Variants in MSTO1 observed in about 807,000 individuals in gnomAD.
MSTO1 encodes protein misato homolog 1.
In MSTO1, 24 loss-of-function variants were observed where a neutral mutation model predicts 55.7. The observed-to-expected ratio is 0.43, with a 90% CI of 0.31 to 0.61. MSTO1 has a LOEUF of 0.61. Ranked by LOEUF, MSTO1 falls within the 20% of genes least tolerant of loss-of-function variation. MSTO1 has a pLI of 0.09. For missense variants in MSTO1, 363 were observed against 625.7 expected (o/e 0.58, Z 4.48); for synonymous variants, 162 against 252.8 (o/e 0.64, Z 3.41).
chr1:155,579,790 A>G, the MSTO1 span, among the ~76,000 whole-genome samples: 1 of 152,134 alleles, frequency 6.6e-6, no homozygotes, highest in Non-Finnish European at 1.5e-5. Flanking sequence ...CTAGGTCGAC[A>G]TAATCTTAAG....
chr1:155,603,795 T>C, the MSTO1 span, among the ~76,000 whole-genome samples: 2 of 152,202 alleles, frequency 1.3e-5, no homozygotes, highest in Admixed American at 6.5e-5. Flanking sequence ...GAGGCAGAGG[T>C]TGCAGTGAGC....
At chr1:155,586,188 TTC>T in the MSTO1 span, among the ~76,000 whole-genome samples, 4 of 150,842 alleles carry the variant, frequency 2.7e-5, no homozygotes, top group South Asian at 2.1e-4. Flanking sequence ...GTTTTTTTCT[TTC>T]TCTCTCTCTC....
chr1:155,571,493 T>TC, the MSTO1 span, among the ~76,000 whole-genome samples: 10 of 152,072 alleles, frequency 6.6e-5, no homozygotes, highest in African/African-American at 2.4e-4. Context: ...GCCCAGGAGT[T>TC]CAAGACTGCA....
chr1:155,589,899 C>A, the MSTO1 span, among the ~76,000 whole-genome samples: 1 of 151,910 alleles, frequency 6.6e-6, no homozygotes, highest in Non-Finnish European at 1.5e-5. Context: ...CAGACACACC[C>A]AGGAACAATA....
chr1:155,600,556 C>CTTTTTTTTTTTTTTTTTT, the MSTO1 span, among the ~76,000 whole-genome samples: 43 of 149,874 alleles, frequency 2.9e-4, no homozygotes, highest in African/African-American at 1.1e-3. Context: ...TTTTTTCTTT[C>CTTTTTTTTTTTTTTTTTT]TTTTTTTTTG....
chr1:155,594,772 A>G, the MSTO1 span, among the ~76,000 whole-genome samples: 1 of 152,042 alleles, frequency 6.6e-6, no homozygotes, highest in East Asian at 1.9e-4. Context: ...TGATTAGCTG[A>G]ATGTTAAACC....
At chr1:155,598,747 A>G in the MSTO1 span, 11 of 642,086 alleles carry the variant, frequency 1.7e-5, no homozygotes, top group East Asian at 3.3e-5. Flanking sequence ...CAAAAAAAAC[A>G]TAAGTACTGT....
the MSTO1 span, among the ~76,000 whole-genome samples, chr1:155,584,687 A>G: frequency 1.4e-5 from 2 of 140,892 alleles, no homozygotes; most frequent in African/African-American, 5.4e-5. Context: ...AAAAAAAAAA[A>G]AAAAAAAGAA....
At chr1:155,569,384 C>T in the MSTO1 span, among the ~76,000 whole-genome samples, 4 of 149,748 alleles carry the variant, frequency 2.7e-5, no homozygotes, top group South Asian at 4.2e-4. Flanking sequence ...ATCCGCCCAT[C>T]TCGGCCTCCC....
the MSTO1 span, chr1:155,591,298 T>C: frequency 9.9e-5 from 147 of 1,491,562 alleles, no homozygotes; most frequent in African/African-American, 1.5e-3. Flanking sequence ...GAAGGAGATA[T>C]GCGAAATTCC....
the MSTO1 span, among the ~76,000 whole-genome samples, chr1:155,592,929 T>G: frequency 6.6e-6 from 1 of 151,952 alleles, no homozygotes; most frequent in African/African-American, 2.4e-5. Context: ...CTTTTTTTTT[T>G]GAGATGGAGT....
At chr1:155,605,161 T>A in the MSTO1 span, among the ~76,000 whole-genome samples, 1 of 151,870 alleles carries the variant, frequency 6.6e-6, no homozygotes, top group Admixed American at 6.6e-5. Flanking sequence ...CTCGGGAGGC[T>A]GAGGCAAGAG....
chr1:155,608,906 C>T, upstream of MSTO1, among the ~76,000 whole-genome samples: 1 of 149,150 alleles, frequency 6.7e-6, no homozygotes, highest in East Asian at 2.0e-4. Context: ...CTCACTGCAA[C>T]TTCCACCTCC....
the MSTO1 span, among the ~76,000 whole-genome samples, chr1:155,596,086 C>T: frequency 2.0e-5 from 3 of 152,138 alleles, no homozygotes; most frequent in Non-Finnish European, 4.4e-5. Context: ...GTCTTCCCAT[C>T]TTAATATAGT....
chr1:155,608,241 G>A (rs546797435), upstream of MSTO1, among the ~76,000 whole-genome samples: 9 of 152,294 alleles, frequency 5.9e-5, no homozygotes, highest in Middle Eastern at 3.4e-3. Context: ...ATGGTTCACC[G>A]CAGCCTCTAA....
At chr1:155,567,217 G>A in the MSTO1 span, among the ~76,000 whole-genome samples, 7 of 151,550 alleles carry the variant, frequency 4.6e-5, no homozygotes, top group South Asian at 8.4e-4. Flanking sequence ...TCTGCCTCCC[G>A]GGTTCAAGTG....
chr1:155,567,128 G>GT, the MSTO1 span, among the ~76,000 whole-genome samples: 865 of 144,726 alleles, frequency 6.0e-3, 5 homozygotes, highest in African/African-American at 0.018. Flanking sequence ...ATAAGAGTTG[G>GT]TTTTTTTTTT....
the MSTO1 span, chr1:155,590,969 G>A: frequency 1.9e-6 from 3 of 1,613,862 alleles, no homozygotes; most frequent in Non-Finnish European, 2.5e-6. Context: ...GCCCCAGCAA[G>A]GTAGACCAGC....
At chr1:155,602,847 C>T in the MSTO1 span, among the ~76,000 whole-genome samples, 2 of 151,878 alleles carry the variant, frequency 1.3e-5, no homozygotes, top group Non-Finnish European at 2.9e-5. Flanking sequence ...TGATTTTCTC[C>T]AGACAATATC....
Sources: gnomAD v4.1 joint callset for allele counts (sites outside exome capture counted in the v4.1 genomes callset) on GRCh38, gnomAD v4.1.1 for gene constraint, MANE v1.5 for transcripts, NCBI Gene and HGNC (gene_info 2026-07-23, HGNC 2026-07-21) for gene names.